The following TCP11 variants were observed in gnomAD, a reference collection of about 807,000 sequenced individuals.
TCP11 encodes the protein t-complex 11, also known as T-complex protein 11 homolog.
TCP11 carries 34 observed loss-of-function variants against 45.0 expected under a neutral mutation model. The observed-to-expected ratio is 0.76, with a 90% CI of 0.57 to 1.01. TCP11 has a LOEUF of 1.01. TCP11 is among the 50% of genes least tolerant of loss of function. TCP11 has a pLI of 0.00. For missense variants in TCP11, 523 were observed against 598.1 expected (o/e 0.87, Z 1.31); for synonymous variants, 227 against 227.0 (o/e 1.00, Z 0.00).
intron 4 of TCP11, among the ~76,000 whole-genome samples, chr6:35,127,069 C>G (rs1011565549): frequency 6.6e-6 from 1 of 152,160 alleles, no homozygotes; most frequent in Non-Finnish European, 1.5e-5. Flanking sequence ...AACCCACTTG[C>G]AGGATTTTTG....
Position 35,141,189 on chromosome 6 carries a change from G to A in TCP11, c.-15+16C>T, listed in dbSNP as rs1400826080. The A allele has an allele frequency of 4.3e-6, 6 of 1,387,506 alleles. No homozygotes were observed. In the African/African-American group the frequency reaches 7.6e-5, roughly 17 times the overall value. The allele number at this position is 1,387,506 out of a possible 1,614,324, so 85.9% of individuals were successfully genotyped here. ...AAACGCCGGCCCAGGCCCGCCTCCG[G>A]CTCCCAGGCCGTCACCTCCTCCTCC... On this transcript the variant is annotated intron_variant, in intron 1 of 9. Transcript: ENST00000311875.
At chr6:35,136,025 T>A (rs1209681244) in intron 3 of TCP11, 82 bp downstream of exon 3, 3 of 920,320 alleles carry the variant, frequency 3.3e-6, no homozygotes, top group Non-Finnish European at 4.9e-6. Flanking sequence ...TAAATAAAAA[T>A]GCTTCAAGTC....
Position 35,141,021 on chromosome 6 carries a change from G to C in TCP11, c.-14-137C>G, listed in dbSNP as rs1781706903. On this transcript the variant is annotated intron_variant, in intron 1 of 9. Transcript: ENST00000311875. ...GTGCTGAGGGGCAGAAAGGGGCAAA[G>C]GAGCGTGGAGGAGCGGAAGTCGAGA... 3.2e-6 allele frequency: 4 copies of C among 1,248,168 alleles called. No homozygotes were observed. In the South Asian group the frequency reaches 7.9e-5, roughly 25 times the overall value. 77.3% of individuals were successfully genotyped at this position (1,248,168 alleles called of 1,614,324 possible).
chr6:35,135,900 T>C (rs557979927), intron 3 of TCP11, among the ~76,000 whole-genome samples: 16 of 152,354 alleles, frequency 1.1e-4, no homozygotes, highest in African/African-American at 2.2e-4. Flanking sequence ...CTTTGGTTTA[T>C]TTGTTGACTA....
At chr6:35,129,218 AC>A in intron 3 of TCP11, 36 bp from the exon 4 acceptor site, 1 of 1,595,024 alleles carries the variant, frequency 6.3e-7, no homozygotes. Context: ...TACTCTCTCA[AC>A]CCAAAAACAG....
chr6:35,118,577 C>G, intron 9 of TCP11, 76 bp from the exon 10 acceptor site: 7 of 1,326,476 alleles, frequency 5.3e-6, no homozygotes, highest in Non-Finnish European at 5.2e-6. Context: ...GCACTCTACT[C>G]ACCCATGTTC....
At chr6:35,119,444 C>T in intron 8 of TCP11, 53 bp from the exon 9 acceptor site, 1 of 1,590,400 alleles carries the variant, frequency 6.3e-7, no homozygotes, top group Non-Finnish European at 8.6e-7. Flanking sequence ...CTGGCATAGG[C>T]CCAGGGCCCA....
intron 3 of TCP11, among the ~76,000 whole-genome samples, chr6:35,130,220 C>A (rs900101386): frequency 6.6e-6 from 1 of 152,098 alleles, no homozygotes; most frequent in Non-Finnish European, 1.5e-5. Context: ...GATCACAGAC[C>A]TACTTGTAAA....
Position 35,119,341 on chromosome 6 carries a change from T to C in TCP11, c.1166A>G (p.His389Arg), listed in dbSNP as rs984693096. The C allele has an allele frequency of 1.9e-6, 3 of 1,614,220 alleles. No homozygotes were observed. The highest frequency in any genetic ancestry group is 2.5e-6 in the Non-Finnish European group (3 of 1,180,038). ...AAGGCCCATATTCTTGAGGCTTTGA[T>C]GGATTTCCTGAGATACCTGTTCACT... ...TVSEQVSQEI[H>R]QSLKNMGLVA... is the part of the protein sequence containing the mutation. Residue 389 changes from histidine (H) to arginine (R), a missense_variant, in exon 9 of 10, where the codon CAT becomes CGT. Coordinates refer to ENST00000311875, the MANE Select transcript of TCP11 (RefSeq NM_001370687.1).
chr6:35,140,443 G>C, intron 2 of TCP11: 1 of 546,256 alleles, frequency 1.8e-6, no homozygotes, highest in South Asian at 1.7e-5. Context: ...ATCAATCCCA[G>C]ATCTATCTGC....
Position 35,119,283 on chromosome 6 carries a change from T to C in TCP11, c.1224A>G (p.Leu408=), listed in dbSNP as rs2234049. The part of the protein sequence containing the change: ...VALSSDNTAS[L]MGQLQNIAKK... ...TGGCAATGTTCTGGAGCTGTCCCAT[T>C]AGAGATGCTGTATTATCACTGCTTA... Residue 408 remains leucine (L), a synonymous_variant, in exon 9 of 10, where the codon CTA becomes CTG. Coordinates refer to ENST00000311875, the MANE Select transcript of TCP11 (RefSeq NM_001370687.1). 1.1e-4 allele frequency: 172 copies of C among 1,614,188 alleles called. 1 individual carries two copies. The Admixed American group carries it at 1.5e-3, about 14-fold the overall frequency.
At chr6:35,127,483 G>T (rs114590655) in intron 4 of TCP11, among the ~76,000 whole-genome samples, 1,812 of 152,328 alleles carry the variant, frequency 0.012, 23 homozygotes, top group Non-Finnish European at 0.019. Flanking sequence ...AATATGGAAT[G>T]AATGAATCGT....
rs1778983303 is a variant in TCP11, at chr6:35,119,380, G to C, written c.1127C>G (p.Ala376Gly). The stretch of plus-strand genomic sequence containing the variant: ...TACCTGTTCACTCACAGTCAGTATA[G>C]CTTCCTCAGGCCTAGACCATGAAAG... ...LEDFHSRPEE[A>G]ILTVSEQVSQ... Residue 376 changes from alanine to glycine, a missense_variant, in exon 9 of 10, where the codon GCT (alanine) becomes GGT (glycine). Around this residue, in one of 2 missense-constraint regions of TCP11, gnomAD observed 298 missense variants for 387.9 expected, o/e 0.77. Transcript: ENST00000311875. The C allele has an allele frequency of 6.2e-7, 1 of 1,614,008 alleles. No homozygotes were observed. The highest frequency in any genetic ancestry group is 1.3e-5 in the African/African-American group (1 of 74,952).
rs773018522 is a variant in TCP11 at position 35,121,092 on chromosome 6, C to T, written c.579-47G>A. 5.8e-6 allele frequency: 9 copies of T among 1,545,378 alleles called. No individual in the cohort carries two copies. In the South Asian group the frequency reaches 1.0e-4, roughly 18 times the overall value. On this transcript the variant is annotated intron_variant, in intron 5 of 9. Transcript: ENST00000311875. Reference sequence around the variant, plus strand: ...TATTTATACTACTAAGCTAGAAACCCACCCAAGGAGTCATTAAATCACTGT... The same window carrying T: ...TATTTATACTACTAAGCTAGAAACCTACCCAAGGAGTCATTAAATCACTGT...
chr6:35,121,467 A>G (rs1208052168), intron 5 of TCP11, among the ~76,000 whole-genome samples: 1 of 147,244 alleles, frequency 6.8e-6, no homozygotes, highest in Non-Finnish European at 1.5e-5. Context: ...ACGGATGACC[A>G]CTCATCACTG....
intron 2 of TCP11, 55 bp from the exon 3 acceptor site, chr6:35,136,273 G>T: frequency 1.4e-6 from 2 of 1,402,352 alleles, no homozygotes; most frequent in Non-Finnish European, 9.9e-7. Flanking sequence ...TTTATTCAGA[G>T]ATTCACTCAA....
intron 2 of TCP11, chr6:35,140,103 AG>A: frequency 6.2e-7 from 1 of 1,613,932 alleles, no homozygotes; most frequent in Non-Finnish European, 8.5e-7. Context: ...TGTGGCCACA[AG>A]AAAAACCAAT....
chr6:35,141,185 T>C lies in TCP11; in HGVS notation c.-15+20A>G, dbSNP rs2127701128. On this transcript the variant is annotated intron_variant, in intron 1 of 9. Coordinates refer to ENST00000311875, the MANE Select transcript of TCP11 (RefSeq NM_001370687.1). The stretch of plus-strand genomic sequence containing the variant: ...CCCGAAACGCCGGCCCAGGCCCGCC[T>C]CCGGCTCCCAGGCCGTCACCTCCTC... 2.2e-6 allele frequency: 3 copies of C among 1,378,202 alleles called. No individual in the cohort carries two copies. The highest frequency in any genetic ancestry group is 3.3e-5 in the South Asian group (2 of 60,838). 85.4% of individuals were successfully genotyped at this position (1,378,202 alleles called of 1,614,324 possible).
At chr6:35,135,790 T>C (rs978144920) in intron 3 of TCP11, among the ~76,000 whole-genome samples, 1 of 152,122 alleles carries the variant, frequency 6.6e-6, no homozygotes, top group Non-Finnish European at 1.5e-5. Flanking sequence ...CTGCTAAATT[T>C]TGGGGTAATT....
Sources: gnomAD v4.1 joint callset for allele counts (sites outside exome capture counted in the v4.1 genomes callset) on GRCh38, gnomAD v4.1.1 for gene constraint, gnomAD v4.1.1 regional missense constraint, MANE v1.5 for transcripts, NCBI Gene and HGNC (gene_info 2026-07-23, HGNC 2026-07-21) for gene names.